Variants in FA2H observed in about 807,000 individuals in gnomAD.
FA2H encodes the protein fatty acid 2-hydroxylase, also known as fatty acid alpha-hydroxylase.
In FA2H, 22 loss-of-function variants were observed where a neutral mutation model predicts 44.9. The observed-to-expected ratio is 0.49, with a 90% confidence interval of 0.35 to 0.70. The LOEUF is 0.70. Among genes scored for constraint, FA2H ranks in the 30% least tolerant of loss-of-function variants. The pLI is 0.01. For synonymous variants in FA2H, 243 were observed against 213.2 expected (o/e 1.14, Z -1.22); for missense variants, 501 against 504.9 (o/e 0.99, Z 0.07).
chr16:74,738,769 C>A (rs945068852), intron 2 of FA2H, among the ~76,000 whole-genome samples: 7 of 152,144 alleles, frequency 4.6e-5, no homozygotes, highest in Non-Finnish European at 1.0e-4. Context: ...AGACTGAGGT[C>A]CTGACCCTGC....
chr16:74,736,670 C>T (rs921879666), intron 2 of FA2H, among the ~76,000 whole-genome samples: 1 of 152,212 alleles, frequency 6.6e-6, no homozygotes, highest in Non-Finnish European at 1.5e-5. Context: ...GCCCCAGCAG[C>T]TGGTTATGCC....
intron 1 of FA2H, among the ~76,000 whole-genome samples, chr16:74,764,210 G>T (rs1278731731): frequency 6.6e-6 from 1 of 152,106 alleles, no homozygotes; most frequent in African/African-American, 2.4e-5. Context: ...CAGCAATCCA[G>T]TTACTGGGTA....
intron 1 of FA2H, among the ~76,000 whole-genome samples, chr16:74,772,721 T>G (rs143072456): frequency 1.3e-3 from 194 of 152,322 alleles, no homozygotes; most frequent in African/African-American, 4.3e-3. Context: ...GGTTTCACTT[T>G]CCATGGTTTC....
chr16:74,774,812 A>C lies in FA2H; in HGVS notation c.-57T>G. On this transcript the variant is annotated 5_prime_UTR_variant, in exon 1 of 7. Transcript: ENST00000219368. ...CGGCGTCTGCTCTGCTGCCACCCTG[A>C]GCGCCTCTAACATCCCGGGAGCCCC... The C allele has an allele frequency of 8.0e-7, 1 of 1,253,884 alleles. No individual in the cohort carries two copies. Among genetic ancestry groups the C allele is most frequent in the Non-Finnish European group, 1.0e-6 (1 of 1,002,956 alleles). 77.7% of individuals were successfully genotyped at this position (1,253,884 alleles called of 1,614,324 possible). A position where few individuals can be genotyped will look rare whatever the true frequency, so the allele number is the denominator to read the frequency against.
chr16:74,746,064 C>T (rs1406649175), intron 1 of FA2H, among the ~76,000 whole-genome samples: 1 of 152,008 alleles, frequency 6.6e-6, no homozygotes. Context: ...GCCTCGGCCT[C>T]CTTGGGATTA....
rs1190755978 is a variant in FA2H, at chr16:74,751,612, G to T, written c.271-11497C>A. 2.0e-5 allele frequency among the ~76,000 whole-genome samples: 3 copies of T among 151,934 alleles called. No homozygotes were observed. In the East Asian group the frequency reaches 5.8e-4, roughly 30 times the overall value. On this transcript the variant is annotated intron_variant, in intron 1 of 6. Transcript: ENST00000219368. ...CTGACATGGCCACAGGTAAGGGACAGCACTGAATACACATTCTGGTGTGAT... is the reference window on the plus strand; with the variant it reads ...CTGACATGGCCACAGGTAAGGGACATCACTGAATACACATTCTGGTGTGAT...
intron 1 of FA2H, among the ~76,000 whole-genome samples, chr16:74,762,816 C>T (rs1050372600): frequency 7.2e-5 from 11 of 152,208 alleles, no homozygotes; most frequent in Non-Finnish European, 4.4e-5. Flanking sequence ...GCATGAGCCA[C>T]TGCACCCGGC....
At chr16:74,715,799 C>T (rs113511641) in intron 6 of FA2H, among the ~76,000 whole-genome samples, 10,545 of 149,404 alleles carry the variant, frequency 0.071, 749 homozygotes, top group African/African-American at 0.18. Flanking sequence ...CCTTGCTTTA[C>T]TTTCTTCTTC....
chr16:74,764,748 G>C (rs1042014461), intron 1 of FA2H, among the ~76,000 whole-genome samples: 1 of 151,906 alleles, frequency 6.6e-6, no homozygotes, highest in Non-Finnish European at 1.5e-5. Context: ...AAGAATAGGA[G>C]CAATTAGAGA....
At chr16:74,751,021 G>T (rs2144648173) in intron 1 of FA2H, among the ~76,000 whole-genome samples, 1 of 152,006 alleles carries the variant, frequency 6.6e-6, no homozygotes, top group East Asian at 1.9e-4. Context: ...GGCCTCAGGG[G>T]ATCCTTCTAC....
At chr16:74,734,572 C>T (rs1039679512) in intron 2 of FA2H, among the ~76,000 whole-genome samples, 14 of 152,248 alleles carry the variant, frequency 9.2e-5, no homozygotes, top group Non-Finnish European at 1.8e-4. Context: ...CAGGCTATGC[C>T]AGGAATGTGG....
rs906411491 is a variant in FA2H, at chr16:74,719,075, G to A, written c.699C>T (p.Ile233=). 9.9e-6 allele frequency: 16 copies of A among 1,613,940 alleles called. No homozygotes were observed. The highest frequency in any genetic ancestry group is 1.4e-5 in the Non-Finnish European group (16 of 1,180,042). ...GCTTCATGTGGAACAGGAAGCGGTGGATGAGGTACTCGATGAGGCTCCAGA... is the reference window on the plus strand; with the variant it reads ...GCTTCATGTGGAACAGGAAGCGGTGAATGAGGTACTCGATGAGGCTCCAGA... ...TFLWSLIEYL[I]HRFLFHMKPP... Residue 233 remains isoleucine (I), a synonymous_variant, in exon 5 of 7, where the codon ATC becomes ATT. Coordinates refer to ENST00000219368, the MANE Select transcript of FA2H (RefSeq NM_024306.5).
rs980968003 is a variant in FA2H at position 74,716,475 on chromosome 16, C to A, written c.911G>T (p.Gly304Val). The change falls in exon 6 of 7, where the codon GGC (glycine) becomes GTC (valine). Residue 304 changes from glycine to valine, a missense_variant. Gly to Val is a moderately radical substitution (Grantham distance 109). Coordinates refer to ENST00000219368, the MANE Select transcript of FA2H (RefSeq NM_024306.5). The stretch of plus-strand genomic sequence containing the variant: ...GTCATAGAGGACGTAGCCCAGGAGG[C>A]CCCCCGCAAACACAGTGCCCCCTAC... ...EAVGGTVFAG[G>V]LLGYVLYDMT... is the part of the protein sequence containing the mutation. The A allele has an allele frequency of 6.2e-7, 1 of 1,613,698 alleles. No individual in the cohort carries two copies. Among genetic ancestry groups the A allele is most frequent in the Non-Finnish European group, 8.5e-7 (1 of 1,179,916 alleles).
At chr16:74,745,332 C>T (rs1331065992) in intron 1 of FA2H, among the ~76,000 whole-genome samples, 1 of 152,250 alleles carries the variant, frequency 6.6e-6, no homozygotes, top group African/African-American at 2.4e-5. Flanking sequence ...CCAGCACAGG[C>T]TTGGCCCTGC....
chr16:74,720,497 A>G (rs762673306), intron 4 of FA2H, among the ~76,000 whole-genome samples: 39 of 151,846 alleles, frequency 2.6e-4, no homozygotes, highest in Non-Finnish European at 3.8e-4. Context: ...TGCCCAGCCC[A>G]TCCTCATCCT....
At chr16:74,764,177 C>T (rs539449358) in intron 1 of FA2H, among the ~76,000 whole-genome samples, 4 of 151,976 alleles carry the variant, frequency 2.6e-5, no homozygotes, top group Admixed American at 2.6e-4. Context: ...AGTCTTCTGC[C>T]CACCTTACAA....
intron 4 of FA2H, among the ~76,000 whole-genome samples, chr16:74,720,641 C>A (rs1168810702): frequency 6.6e-6 from 1 of 152,088 alleles, no homozygotes; most frequent in East Asian, 1.9e-4. Flanking sequence ...CTTTTTAGTA[C>A]ACTCACAAAG....
At chr16:74,717,673 G>A (rs1306400515) in intron 5 of FA2H, among the ~76,000 whole-genome samples, 1 of 152,224 alleles carries the variant, frequency 6.6e-6, no homozygotes, top group Non-Finnish European at 1.5e-5. Flanking sequence ...TTCCTGATTG[G>A]AGCCCACGTG....
intron 2 of FA2H, among the ~76,000 whole-genome samples, chr16:74,733,382 C>A (rs937654407): frequency 6.6e-6 from 1 of 152,116 alleles, no homozygotes; most frequent in Non-Finnish European, 1.5e-5. Flanking sequence ...GATATTGAGG[C>A]CTGAGAGGTC....
Sources: allele counts gnomAD v4.1 joint callset (sites outside exome capture counted in the v4.1 genomes callset), GRCh38; gene constraint gnomAD v4.1.1; transcripts MANE v1.5; gene names NCBI Gene and HGNC (gene_info 2026-07-23, HGNC 2026-07-21).